Variants in VSTM1 observed in about 807,000 individuals in gnomAD.
VSTM1 encodes V-set and transmembrane domain-containing protein 1.
A neutral mutation model predicts 33.1 loss-of-function variants in VSTM1; 27 were observed. That is an observed-to-expected ratio of 0.82 (90% CI 0.60 to 1.12). The LOEUF (loss-of-function observed/expected upper bound fraction) is 1.12, where lower values mean the gene tolerates loss of function less well. Ranked by LOEUF, VSTM1 falls within the 50% of genes most tolerant of loss-of-function variation. VSTM1 has a pLI of 0.00. For missense variants in VSTM1, 304 were observed against 288.9 expected (o/e 1.05, Z -0.38); for synonymous variants, 115 against 110.3 (o/e 1.04, Z -0.27).
intron 6 of VSTM1, 80 bp downstream of exon 6, chr19:54,042,089 T>A: frequency 6.2e-7 from 1 of 1,608,624 alleles, no homozygotes; most frequent in Non-Finnish European, 8.5e-7. Context: ...GGGCTCAGGG[T>A]GCCAATCCCG....
chr19:54,041,037 C>G lies in VSTM1; in HGVS notation c.635G>C (p.Ser212Thr), dbSNP rs1282012643. The stretch of plus-strand genomic sequence containing the variant: ...GTCTGAAGCTGCCTCAGACAGGGCG[C>G]TGGTGCTTAGCTCAGCATAGGTCAC... Reference protein sequence around the residue: ...QGVTYAELSTSALSEAASDTT... With the variant: ...QGVTYAELSTTALSEAASDTT... The change falls in exon 9 of 9, where the codon AGC (serine) becomes ACC (threonine). Residue 212 changes from serine to threonine, a missense_variant. By Grantham distance (58) the Ser-to-Thr change is moderately conservative. Coordinates refer to ENST00000338372, the MANE Select transcript of VSTM1 (RefSeq NM_198481.4). 7.5e-6 allele frequency: 12 copies of G among 1,607,858 alleles called. No homozygotes were observed. The highest frequency in any genetic ancestry group is 1.0e-5 in the Non-Finnish European group (12 of 1,178,076).
intron 4 of VSTM1, among the ~76,000 whole-genome samples, chr19:54,043,433 CAA>C (rs2070418594): frequency 6.7e-6 from 1 of 150,104 alleles, no homozygotes. Flanking sequence ...TTTTTTGAGA[CAA>C]AGTCTCACTC....
rs1474238796 is a variant in VSTM1 at position 54,059,866 on chromosome 19, G to A, written c.35-1134C>T. ...GGTTTTTTTTTTTTTTTTATTTTTC[G>A]AGATGGAGTCTCGCTCTGTCACCCA... is the stretch of plus-strand genomic sequence containing the variant. On this transcript the variant is annotated intron_variant, in intron 1 of 8. Coordinates refer to ENST00000338372, the MANE Select transcript of VSTM1 (RefSeq NM_198481.4). Among the ~76,000 whole-genome samples, 16 of 143,320 alleles carry A rather than the reference G, an allele frequency of 1.1e-4. No individual in the cohort carries two copies. In the East Asian group the frequency reaches 1.2e-3, roughly 11 times the overall value. 94.0% of individuals were successfully genotyped at this position (143,320 alleles called of 152,430 possible).
rs867082195 is a variant in VSTM1 at position 54,052,290 on chromosome 19, C to G, written c.356-842G>C. 6.9e-5 allele frequency among the ~76,000 whole-genome samples: 9 copies of G among 130,096 alleles called. No homozygotes were observed. In the South Asian group the frequency reaches 1.0e-3, roughly 15 times the overall value. The allele number at this position is 130,096 out of a possible 152,430, so 85.3% of individuals were successfully genotyped here. A position where few individuals can be genotyped will look rare whatever the true frequency, so the allele number is the denominator to read the frequency against. On this transcript the variant is annotated intron_variant, in intron 3 of 8. Transcript: ENST00000338372. ...GCGGGCCCCTGTAGTCCCAGCTACT[C>G]GGGAGGCTGAGGCAGGAGAATGGCG...
In VSTM1 at chr19:54,058,409, C is replaced by G. The variant is rs139186362; in HGVS notation, c.252G>C (p.Thr84=). 2 of 1,614,038 alleles carry G rather than the reference C, an allele frequency of 1.2e-6. No homozygotes were observed. The highest frequency in any genetic ancestry group is 1.7e-5 in the Admixed American group (1 of 59,978). The change falls in exon 3 of 9, where the codon ACG becomes ACC. Residue 84 remains threonine, a synonymous_variant. Coordinates refer to ENST00000338372, the MANE Select transcript of VSTM1 (RefSeq NM_198481.4). Reference sequence around the variant, plus strand: ...TCCCAGCATCCTTAGGCTTCAGGTCCGTGAAGGGGAATTCAGCTTCGTTTT... The same window carrying G: ...TCCCAGCATCCTTAGGCTTCAGGTCGGTGAAGGGGAATTCAGCTTCGTTTT... ...SAENEAEFPF[T]DLKPKDAGRY... is the part of the protein sequence containing the mutation.
Position 54,051,390 on chromosome 19 carries a change from C to T in VSTM1, c.394+20G>A, listed in dbSNP as rs182243387. ...AAGCAGATCTCATTGGGAAAAACAT[C>T]TCCTTTCTAATTATCTTACCTGTTT... On this transcript the variant is annotated intron_variant, in intron 4 of 8. Coordinates refer to ENST00000338372, the MANE Select transcript of VSTM1 (RefSeq NM_198481.4). 1.8e-4 allele frequency: 288 copies of T among 1,596,764 alleles called. 1 individual carries two copies. The highest frequency in any genetic ancestry group is 2.3e-4 in the Non-Finnish European group (271 of 1,172,968).
At chr19:54,060,723 C>T (rs2071351972) in intron 1 of VSTM1, among the ~76,000 whole-genome samples, 1 of 152,156 alleles carries the variant, frequency 6.6e-6, no homozygotes, top group Admixed American at 6.6e-5. Flanking sequence ...CAGGGTCTCA[C>T]TCTGTGGCCC....
chr19:54,050,600 C>G (rs1337493304), intron 4 of VSTM1, among the ~76,000 whole-genome samples: 1 of 152,022 alleles, frequency 6.6e-6, no homozygotes, highest in Non-Finnish European at 1.5e-5. Context: ...CTTCAGAACC[C>G]GGAAGCACTT....
chr19:54,053,814 A>G (rs2070962641), intron 3 of VSTM1, among the ~76,000 whole-genome samples: 1 of 142,410 alleles, frequency 7.0e-6, no homozygotes, highest in South Asian at 2.3e-4. Context: ...AATGCCTCTC[A>G]CAGTTATTCT....
chr19:54,046,171 CTATT>C (rs776835174), intron 4 of VSTM1, among the ~76,000 whole-genome samples: 5 of 152,138 alleles, frequency 3.3e-5, no homozygotes, highest in Non-Finnish European at 7.3e-5. Context: ...ATCTAGTTAT[CTATT>C]TATCTGCCTA....
Position 54,044,888 on chromosome 19 carries a change from A to G in VSTM1, c.395-2519T>C, listed in dbSNP as rs1013194467. ...TTTTTCTTGGCACTTTAGATTCAAG[A>G]AACACAAGTCGTGAGACTTTAAGGA... On this transcript the variant is annotated intron_variant, in intron 4 of 8. Coordinates refer to ENST00000338372, the MANE Select transcript of VSTM1 (RefSeq NM_198481.4). Among the ~76,000 whole-genome samples the G allele has an allele frequency of 3.3e-5, 5 of 152,306 alleles. No homozygotes were observed. In the East Asian group the frequency reaches 5.8e-4, roughly 18 times the overall value.
intron 1 of VSTM1, among the ~76,000 whole-genome samples, chr19:54,062,069 T>C (rs1387651196): frequency 1.3e-5 from 2 of 150,440 alleles, no homozygotes; most frequent in African/African-American, 2.4e-5. Flanking sequence ...GGCAGGAGAA[T>C]TGATTGAACC....
intron 1 of VSTM1, among the ~76,000 whole-genome samples, chr19:54,062,585 G>A (rs1471873381): frequency 7.2e-5 from 11 of 151,862 alleles, no homozygotes; most frequent in African/African-American, 2.7e-4. Flanking sequence ...TTAGCCAGGC[G>A]TGGTGGCGTG....
chr19:54,050,499 A>C (rs2070784978), intron 4 of VSTM1, among the ~76,000 whole-genome samples: 2 of 151,904 alleles, frequency 1.3e-5, no homozygotes, highest in African/African-American at 4.8e-5. Flanking sequence ...TCACTGAAAA[A>C]TTCACCCCCA....
intron 4 of VSTM1, among the ~76,000 whole-genome samples, chr19:54,047,749 C>T (rs532319678): frequency 1.1e-4 from 16 of 152,300 alleles, no homozygotes; most frequent in Non-Finnish European, 1.9e-4. Context: ...ATCTTTCACA[C>T]AGCAATTCAC....
intron 4 of VSTM1, among the ~76,000 whole-genome samples, chr19:54,048,855 G>A (rs144919069): frequency 3.9e-5 from 6 of 152,118 alleles, no homozygotes; most frequent in African/African-American, 9.7e-5. Flanking sequence ...AAGCTGAGGC[G>A]TGTGGATCAC....
In VSTM1 at chr19:54,054,283, G is replaced by A. The variant is rs1275960991; in HGVS notation, c.356-2835C>T. ...CATAATTGGGAAATGGCAAATAATC[G>A]CGAGGCTTTTAGGGCTAAAGTGTGG... On this transcript the variant is annotated intron_variant, in intron 3 of 8. Transcript: ENST00000338372. Among the ~76,000 whole-genome samples, 4 of 141,958 alleles carry A rather than the reference G, an allele frequency of 2.8e-5. 1 individual carries two copies. Among genetic ancestry groups the A allele is most frequent in the East Asian group, 2.0e-4 (1 of 5,016 alleles). 93.1% of individuals were successfully genotyped at this position (141,958 alleles called of 152,430 possible).
In VSTM1 at chr19:54,053,789, G is replaced by A. The variant is rs1039175184; in HGVS notation, c.356-2341C>T. On this transcript the variant is annotated intron_variant, in intron 3 of 8. Transcript: ENST00000338372. ...ATTAGTGGTAATTTGTTATGCAGCTGTAGATCACTAATACAATGCCTCTCA... is the reference window on the plus strand; with the variant it reads ...ATTAGTGGTAATTTGTTATGCAGCTATAGATCACTAATACAATGCCTCTCA... Among the ~76,000 whole-genome samples the A allele has an allele frequency of 7.7e-5, 11 of 142,548 alleles. 1 individual carries two copies. Among genetic ancestry groups the A allele is most frequent in the Non-Finnish European group, 1.2e-4 (8 of 64,534 alleles). The allele number at this position is 142,548 out of a possible 152,430, so 93.5% of individuals were successfully genotyped here. A position where few individuals can be genotyped will look rare whatever the true frequency, so the allele number is the denominator to read the frequency against.
At chr19:54,044,432 C>T (rs1036016482) in intron 4 of VSTM1, among the ~76,000 whole-genome samples, 5 of 152,000 alleles carry the variant, frequency 3.3e-5, no homozygotes, top group Non-Finnish European at 7.4e-5. Flanking sequence ...TGGTGGCGCA[C>T]GCCTGTAGTC....
Sources: gnomAD v4.1 joint callset for allele counts (sites outside exome capture counted in the v4.1 genomes callset) on GRCh38, gnomAD v4.1.1 for gene constraint, MANE v1.5 for transcripts, NCBI Gene and HGNC (gene_info 2026-07-23, HGNC 2026-07-21) for gene names.